C12orf42: variants seen among roughly 807,000 people sequenced by gnomAD.
The protein encoded by C12orf42 is uncharacterized protein C12orf42.
A neutral mutation model predicts 21.6 loss-of-function variants in C12orf42; 25 were observed. That is an observed-to-expected ratio of 1.16 (90% CI 0.84 to 1.62). C12orf42 has a LOEUF of 1.62. Ranked by LOEUF, C12orf42 falls within the 40% of genes most tolerant of loss-of-function variation. The pLI is 0.00. For synonymous variants in C12orf42, 174 were observed against 175.0 expected (o/e 0.99, Z 0.05); for missense variants, 483 against 459.3 (o/e 1.05, Z -0.47).
the C12orf42 span, among the ~76,000 whole-genome samples, chr12:103,072,478 T>C: frequency 6.6e-6 from 1 of 151,844 alleles, no homozygotes; most frequent in Non-Finnish European, 1.5e-5. Context: ...GCCACAAATA[T>C]AAGAATTCCC....
chr12:103,282,465 A>G (rs775879665), intron 4 of C12orf42, among the ~76,000 whole-genome samples: 23 of 152,214 alleles, frequency 1.5e-4, no homozygotes, highest in Non-Finnish European at 2.2e-4. Flanking sequence ...GTAATTGCCT[A>G]CAGTATTAAG....
At chr12:103,394,662 T>G (rs1303421991) in intron 3 of C12orf42, among the ~76,000 whole-genome samples, 1 of 152,210 alleles carries the variant, frequency 6.6e-6, no homozygotes, top group African/African-American at 2.4e-5. Context: ...AACAATTCTA[T>G]CAATAAGGGC....
chr12:103,313,538 T>C (rs1451182168), intron 4 of C12orf42, among the ~76,000 whole-genome samples: 2 of 152,234 alleles, frequency 1.3e-5, no homozygotes, highest in African/African-American at 4.8e-5. Context: ...GCCCAGCTAC[T>C]TAAGTGTTCT....
the C12orf42 span, among the ~76,000 whole-genome samples, chr12:103,530,189 T>C: frequency 6.6e-6 from 1 of 152,230 alleles, no homozygotes; most frequent in African/African-American, 2.4e-5. Context: ...AGGTAAGCTA[T>C]GCCAGAAAAT....
the C12orf42 span, among the ~76,000 whole-genome samples, chr12:103,073,868 G>T: frequency 6.6e-6 from 1 of 152,074 alleles, no homozygotes; most frequent in South Asian, 2.1e-4. Context: ...TTTTTGGAAG[G>T]TCCTTACTCA....
Position 103,306,283 on chromosome 12 carries a change from T to G in C12orf42, c.322A>C (p.Ile108Leu). Residue 108 changes from isoleucine to leucine, a missense_variant, in exon 5 of 6, where the codon ATA becomes CTA. Transcript: ENST00000548883. ...CKRLLHTCQY[I>L]VPRCSVSTVS... Reference sequence around the variant, plus strand: ...GTGCTTACAGAACACCTGGGGACTATGTACTGGCAAGTATGAAGTAGTCTT... The same window carrying G: ...GTGCTTACAGAACACCTGGGGACTAGGTACTGGCAAGTATGAAGTAGTCTT... 6.2e-7 allele frequency: 1 copy of G among 1,613,696 alleles called. No homozygotes were observed. The highest frequency in any genetic ancestry group is 8.5e-7 in the Non-Finnish European group (1 of 1,179,756).
At chr12:103,286,548 C>G (rs1470990057) in intron 4 of C12orf42, among the ~76,000 whole-genome samples, 1 of 151,254 alleles carries the variant, frequency 6.6e-6, no homozygotes, top group Non-Finnish European at 1.5e-5. Context: ...GGGCCTAGCA[C>G]ATAGTAAATA....
intron 3 of C12orf42, among the ~76,000 whole-genome samples, chr12:103,380,764 C>T (rs2046095884): frequency 6.6e-6 from 1 of 152,122 alleles, no homozygotes; most frequent in East Asian, 1.9e-4. Context: ...TATTGAGTAC[C>T]TGCTACAGAC....
In C12orf42 at chr12:103,278,890, C is replaced by A. The variant is rs188740887; in HGVS notation, n.338-1680G>T. Among the ~76,000 whole-genome samples, 3 of 152,306 alleles carry A rather than the reference C, an allele frequency of 2.0e-5. No homozygotes were observed. In the East Asian group the frequency reaches 5.8e-4, roughly 29 times the overall value. On this transcript the variant is annotated intron_variant and non_coding_transcript_variant, in intron 4 of 6. Transcript: ENST00000546526. Reference sequence around the variant, plus strand: ...ATGTAGAAACTCCACATTTTCCCCTCCTGAATGTTCCTGTCAGCCATTATT... The same window carrying A: ...ATGTAGAAACTCCACATTTTCCCCTACTGAATGTTCCTGTCAGCCATTATT...
chr12:103,459,230 A>G (rs1952523621), intron 2 of C12orf42, among the ~76,000 whole-genome samples: 1 of 152,202 alleles, frequency 6.6e-6, no homozygotes, highest in Non-Finnish European at 1.5e-5. Context: ...AGGCCTCACC[A>G]CAGATCTAAA....
At chr12:103,307,600 T>C (rs1296994416) in intron 4 of C12orf42, among the ~76,000 whole-genome samples, 1 of 152,076 alleles carries the variant, frequency 6.6e-6, no homozygotes, top group East Asian at 1.9e-4. Context: ...CTGGAGGAGA[T>C]GGAGATAAGA....
intron 4 of C12orf42, among the ~76,000 whole-genome samples, chr12:103,329,642 C>G (rs1337375852): frequency 6.9e-6 from 1 of 144,694 alleles, no homozygotes; most frequent in Non-Finnish European, 1.5e-5. Flanking sequence ...CCCAAAGAGA[C>G]TCAACTAAAT....
At chr12:103,141,750 G>GA in the C12orf42 span, among the ~76,000 whole-genome samples, 1 of 151,894 alleles carries the variant, frequency 6.6e-6, no homozygotes, top group Admixed American at 6.6e-5. Context: ...GGCTGGTCTG[G>GA]AACTCCTGAC....
chr12:103,455,322 C>A (rs183893959), intron 2 of C12orf42, among the ~76,000 whole-genome samples: 19 of 152,222 alleles, frequency 1.2e-4, no homozygotes, highest in Non-Finnish European at 2.5e-4. Flanking sequence ...GTTTGTAAAG[C>A]CATGGCTCTT....
chr12:103,107,559 T>C, the C12orf42 span, among the ~76,000 whole-genome samples: 1 of 151,790 alleles, frequency 6.6e-6, no homozygotes, highest in Non-Finnish European at 1.5e-5. Flanking sequence ...ATATTTAAAA[T>C]CAAATGACAA....
chr12:103,358,592 C>T (rs2043796205), intron 4 of C12orf42, among the ~76,000 whole-genome samples: 1 of 151,534 alleles, frequency 6.6e-6, no homozygotes, highest in Admixed American at 6.6e-5. Context: ...CCATCACCAT[C>T]ACCCATATTG....
intron 4 of C12orf42, among the ~76,000 whole-genome samples, chr12:103,364,995 C>T (rs568725380): frequency 3.7e-4 from 56 of 151,916 alleles, no homozygotes; most frequent in Admixed American, 3.0e-3. Context: ...CCAGTAGCAC[C>T]CTAATATGAA....
At chr12:103,209,366 A>G in the C12orf42 span, among the ~76,000 whole-genome samples, 1 of 152,246 alleles carries the variant, frequency 6.6e-6, no homozygotes, top group Non-Finnish European at 1.5e-5. Flanking sequence ...TTGAGGAGAC[A>G]CAACAGAGAA....
At chr12:103,191,747 A>T in the C12orf42 span, among the ~76,000 whole-genome samples, 1 of 141,042 alleles carries the variant, frequency 7.1e-6, no homozygotes, top group African/African-American at 2.9e-5. Context: ...TGTGTCTAAA[A>T]AAAAAAAAAA....
Sources: allele counts gnomAD v4.1 joint callset (sites outside exome capture counted in the v4.1 genomes callset), GRCh38; gene constraint gnomAD v4.1.1; transcripts MANE v1.5; gene names NCBI Gene and HGNC (gene_info 2026-07-23, HGNC 2026-07-21).